Variants in FHL1 observed in about 807,000 individuals in gnomAD.
FHL1 encodes the protein four and a half LIM domains protein 1.
FHL1 carries 1 observed loss-of-function variant against 20.3 expected under a neutral mutation model. The ratio of observed to expected loss-of-function variants is 0.05; its 90% CI spans 0.02 to 0.23. FHL1 has a LOEUF of 0.23. Among genes scored for constraint, FHL1 ranks in the 10% least tolerant of loss-of-function variants. FHL1 has a pLI of 1.00. For missense variants in FHL1, 177 were observed against 234.0 expected, an observed-to-expected ratio of 0.76 and a Z score of 1.59; for synonymous variants, 82 against 88.9, an observed-to-expected ratio of 0.92 and a Z score of 0.44.
At chrX:136,164,644 C>T (rs939850682), upstream of FHL1, among the ~76,000 whole-genome samples, 15 of 111,673 alleles carry the variant, frequency 1.3e-4, no homozygotes, top group African/African-American at 4.2e-4. Context: ...ACAGAAAGAG[C>T]TCCTTGGTAT....
intron 2 of FHL1, among the ~76,000 whole-genome samples, chrX:136,172,417 T>C (rs2148303160): frequency 8.9e-6 from 1 of 112,663 alleles, no homozygotes; most frequent in South Asian, 3.7e-4. Context: ...ACAAGGAAAC[T>C]GAAAATTGCT....
intron 1 of FHL1, among the ~76,000 whole-genome samples, chrX:136,153,835 T>A (rs1045234557): frequency 1.8e-5 from 2 of 111,644 alleles, no homozygotes; most frequent in Admixed American, 1.9e-4. Context: ...TATTTTTTTT[T>A]AAATGACTAG....
intron 2 of FHL1, among the ~76,000 whole-genome samples, chrX:136,177,487 G>A (rs977030773): frequency 8.9e-6 from 1 of 112,042 alleles, no homozygotes; most frequent in Non-Finnish European, 1.9e-5. Flanking sequence ...CTCTTCTCCT[G>A]TATGGTGCTT....
chrX:136,191,453 T>C (rs1038624933), intron 2 of FHL1, among the ~76,000 whole-genome samples: 1 of 111,826 alleles, frequency 8.9e-6, no homozygotes, highest in African/African-American at 3.3e-5. Flanking sequence ...GACATCCAGG[T>C]CACGGCTTGA....
chrX:136,155,059 T>C (rs1311845478), intron 1 of FHL1, among the ~76,000 whole-genome samples: 1 of 112,359 alleles, frequency 8.9e-6, no homozygotes, highest in Admixed American at 9.4e-5. Context: ...CCCCCTCTTC[T>C]CCTGCCCCAT....
intron 3 of FHL1, 124 bp from the exon 4 acceptor site, chrX:136,207,668 T>C (rs2073879626): frequency 1.4e-6 from 1 of 719,465 alleles, no homozygotes; most frequent in Non-Finnish European, 2.1e-6. Flanking sequence ...TAGTTGGAGG[T>C]GTGAGGCCAG....
chrX:136,207,333 G>A (rs2073870498), intron 3 of FHL1, 143 bp downstream of exon 3: 3 of 531,460 alleles, frequency 5.6e-6, no homozygotes, highest in South Asian at 6.4e-5. Flanking sequence ...ATACATACAC[G>A]TATATATGCG....
Position 136,209,299 on chromosome X carries a change from G to C in FHL1, c.737-572G>C. On this transcript the variant is annotated intron_variant, in intron 5 of 5. Transcript: ENST00000370683. ...AGTCTCTAAAGCTAGGAAGCCCCCAGTGTGCCACGGGAAACGCTTGCCTCT... is the reference window on the plus strand; with the variant it reads ...AGTCTCTAAAGCTAGGAAGCCCCCACTGTGCCACGGGAAACGCTTGCCTCT... The C allele has an allele frequency of 8.3e-7, 1 of 1,211,285 alleles. No individual in the cohort carries two copies.
chrX:136,207,901 C>G lies in FHL1; in HGVS notation c.489C>G (p.Asp163Glu). 1 of 1,212,294 alleles carries G rather than the reference C, an allele frequency of 8.2e-7. No homozygotes were observed. The highest frequency in any genetic ancestry group is 1.8e-5 in the South Asian group (1 of 57,042). ...GAAGCTTCTTCCCTAAAGGGGAGGA[C>G]TTCTACTGCGTGACTTGCCATGAGA... ...GTGSFFPKGE[D>E]FYCVTCHETK... The change falls in exon 4 of 6, where the codon GAC (aspartate) becomes GAG (glutamate). Residue 163 changes from aspartate to glutamate, a missense_variant. By Grantham distance (45) the Asp-to-Glu change is conservative. Transcript: ENST00000370683.
At chrX:136,157,082 G>C (rs1272468625) in intron 1 of FHL1, among the ~76,000 whole-genome samples, 1 of 111,462 alleles carries the variant, frequency 9.0e-6, no homozygotes, top group Non-Finnish European at 1.9e-5. Context: ...AGTGGATTTA[G>C]ACATTTGACT....
intron 1 of FHL1, among the ~76,000 whole-genome samples, chrX:136,202,136 G>C (rs1340896666): frequency 9.0e-6 from 1 of 111,152 alleles, no homozygotes; most frequent in Non-Finnish European, 1.9e-5. Flanking sequence ...AGGCCGAGGT[G>C]GGCAGATCAC....
intron 2 of FHL1, among the ~76,000 whole-genome samples, chrX:136,180,129 A>C (rs2073116862): frequency 8.9e-6 from 1 of 112,054 alleles, no homozygotes; most frequent in African/African-American, 3.2e-5. Flanking sequence ...TCAAATGTGC[A>C]ATATGCTCAG....
At position 136,207,007 on chromosome X, in the gene FHL1, G is replaced by C. The variant is rs1178092343; in HGVS notation, c.205-9G>C. On this transcript the variant is annotated splice_polypyrimidine_tract_variant and intron_variant, in intron 2 of 5. Coordinates refer to ENST00000370683, the MANE Select transcript of FHL1 (RefSeq NM_001159699.2). ...TCATGGTGGCCCACCCTGTCTGCTT[G>C]GTTTCCAGGAGGTGCACTATAAGAA... is the stretch of plus-strand genomic sequence containing the variant. 8 of 1,208,681 alleles carry C rather than the reference G, an allele frequency of 6.6e-6. No homozygotes were observed. The highest frequency in any genetic ancestry group is 8.9e-6 in the Non-Finnish European group (8 of 894,990).
intron 3 of FHL1, 25 bp from the exon 4 acceptor site, chrX:136,207,767 G>A: frequency 8.3e-7 from 1 of 1,210,357 alleles, no homozygotes; most frequent in South Asian, 1.8e-5. Context: ...TGTCAGTGGG[G>A]CTATCCAATT....
intron 2 of FHL1, among the ~76,000 whole-genome samples, chrX:136,181,909 G>T (rs2073167001): frequency 9.0e-6 from 1 of 111,690 alleles, no homozygotes; most frequent in African/African-American, 3.3e-5. Context: ...AGTGAATGTA[G>T]CAGATTTCAC....
At chrX:136,164,227 GAC>G (rs2072651159) in intron 1 of FHL1, among the ~76,000 whole-genome samples, 1 of 98,311 alleles carries the variant, frequency 1.0e-5, no homozygotes, top group Admixed American at 1.1e-4. Context: ...TTTTTTTTGA[GAC>G]ACAGTCTTGC....
intron 2 of FHL1, among the ~76,000 whole-genome samples, chrX:136,189,670 A>G (rs1435186706): frequency 8.9e-6 from 1 of 111,817 alleles, no homozygotes; most frequent in Non-Finnish European, 1.9e-5. Flanking sequence ...CATAGGTACT[A>G]TTATCATCCC....
At chrX:136,180,556 A>C (rs1038956882) in intron 2 of FHL1, among the ~76,000 whole-genome samples, 2 of 111,933 alleles carry the variant, frequency 1.8e-5, no homozygotes, top group African/African-American at 6.5e-5. Flanking sequence ...ATTGTATTCC[A>C]TGGAACCCTA....
intron 2 of FHL1, among the ~76,000 whole-genome samples, chrX:136,191,723 T>C (rs1238511975): frequency 1.8e-5 from 2 of 112,668 alleles, no homozygotes; most frequent in East Asian, 5.5e-4. Flanking sequence ...TCATGAATTA[T>C]TATAACATCC....
Sources: allele counts gnomAD v4.1 joint callset (sites outside exome capture counted in the v4.1 genomes callset), GRCh38; gene constraint gnomAD v4.1.1; transcripts MANE v1.5; gene names NCBI Gene and HGNC (gene_info 2026-07-23, HGNC 2026-07-21).